Variants in PTPDC1 observed in about 807,000 individuals in gnomAD.
PTPDC1 encodes the protein protein tyrosine phosphatase domain-containing protein 1.
In PTPDC1, 53 loss-of-function variants were observed where a neutral mutation model predicts 75.3. The observed-to-expected ratio is 0.70, with a 90% confidence interval of 0.56 to 0.88. The LOEUF is 0.88. PTPDC1 is among the 40% of genes least tolerant of loss of function. The pLI is 0.00. For synonymous variants in PTPDC1, 349 were observed against 366.2 expected (o/e 0.95, Z 0.54); for missense variants, 925 against 998.6 (o/e 0.93, Z 0.99).
chr9:94,083,985 A>G (rs1826975456), upstream of PTPDC1, among the ~76,000 whole-genome samples: 1 of 152,232 alleles, frequency 6.6e-6, no homozygotes, highest in Admixed American at 6.5e-5. Flanking sequence ...TTTGGTTATG[A>G]AAAATTGGAT....
At chr9:94,055,729 G>C (rs561002352) in intron 1 of PTPDC1, among the ~76,000 whole-genome samples, 1 of 152,236 alleles carries the variant, frequency 6.6e-6, no homozygotes, top group South Asian at 2.1e-4. Context: ...TTGTGCACAT[G>C]AACCCTAGAA....
chr9:94,079,567 A>G (rs2117944489), upstream of PTPDC1, among the ~76,000 whole-genome samples: 1 of 152,360 alleles, frequency 6.6e-6, no homozygotes, highest in Non-Finnish European at 1.5e-5. Context: ...TAGTGTGACT[A>G]CAGTTCAGCT....
intron 1 of PTPDC1, 143 bp from the exon 2 acceptor site, chr9:94,085,108 C>T (rs1256882136): frequency 5.6e-6 from 4 of 710,188 alleles, no homozygotes; most frequent in African/African-American, 5.4e-5. Flanking sequence ...GACAGGGAAA[C>T]AGTTTTGTTT....
At chr9:94,050,228 T>G (rs1280871567) in intron 1 of PTPDC1, among the ~76,000 whole-genome samples, 3 of 152,246 alleles carry the variant, frequency 2.0e-5, no homozygotes, top group Admixed American at 6.5e-5. Context: ...AAAGTCATTC[T>G]CCGTCCAGCT....
chr9:94,072,196 CG>C (rs1328764252), intron 2 of PTPDC1, among the ~76,000 whole-genome samples: 1 of 152,022 alleles, frequency 6.6e-6, no homozygotes, highest in East Asian at 1.9e-4. Context: ...TTAGCAGAGA[CG>C]GTTTCGCCAT....
intron 7 of PTPDC1, 146 bp downstream of exon 7, chr9:94,101,897 G>GA: frequency 1.9e-6 from 1 of 531,926 alleles, no homozygotes; most frequent in South Asian, 3.3e-5. Context: ...GAGAAGAGAA[G>GA]AAACTGATAC....
chr9:94,093,511 C>G (rs1275761726), intron 4 of PTPDC1, among the ~76,000 whole-genome samples: 2 of 148,140 alleles, frequency 1.4e-5, no homozygotes, highest in East Asian at 3.9e-4. Context: ...TCTGGCTGCC[C>G]TTAACATTTT....
intron 4 of PTPDC1, among the ~76,000 whole-genome samples, chr9:94,095,003 G>A (rs1253943851): frequency 6.6e-6 from 1 of 152,210 alleles, no homozygotes; most frequent in Non-Finnish European, 1.5e-5. Context: ...GATGAACCCG[G>A]TACCTCAGAT....
chr9:94,082,159 G>A (rs1307803025), upstream of PTPDC1, among the ~76,000 whole-genome samples: 2 of 152,260 alleles, frequency 1.3e-5, no homozygotes, highest in Non-Finnish European at 2.9e-5. Flanking sequence ...CAGTGGAATA[G>A]TCAGTTCCCT....
Position 94,098,592 on chromosome 9 carries a change from CTTAA to C in PTPDC1, c.2013+16_2013+19del. On this transcript the variant is annotated intron_variant, in intron 6 of 8. Transcript: ENST00000620992. ...AGAAATGTGGCAGGTATTATTAGTA[CTTAA>C]TTTAATTATAGATATGTGGGAAATA... The C allele has an allele frequency of 6.3e-7, 1 of 1,587,904 alleles. No homozygotes were observed. Among genetic ancestry groups the C allele is most frequent in the Non-Finnish European group, 8.6e-7 (1 of 1,159,732 alleles).
In PTPDC1 at chr9:94,095,461, C is replaced by T. The variant is rs1369512066; in HGVS notation, c.754+7C>T. 1 of 1,602,770 alleles carries T rather than the reference C, an allele frequency of 6.2e-7. No homozygotes were observed. The highest frequency in any genetic ancestry group is 8.5e-7 in the Non-Finnish European group (1 of 1,175,684). ...GCAGGGCTTGGTCGAACAGGTAGGT[C>T]CTAAGAGGTGGTTTATTGCCTGTAG... On this transcript the variant is annotated splice_region_variant and intron_variant, in intron 5 of 8. Coordinates refer to ENST00000620992, the MANE Select transcript of PTPDC1 (RefSeq NM_001253829.2).
chr9:94,050,726 A>G (rs1825762605), intron 1 of PTPDC1, among the ~76,000 whole-genome samples: 1 of 151,774 alleles, frequency 6.6e-6, no homozygotes, highest in Non-Finnish European at 1.5e-5. Context: ...GAGAACCACT[A>G]CTCTCTTCAA....
At chr9:94,077,535 A>G (rs1410888000) in intron 2 of PTPDC1, among the ~76,000 whole-genome samples, 2 of 152,174 alleles carry the variant, frequency 1.3e-5, no homozygotes, top group African/African-American at 4.8e-5. Context: ...ACATTTACCA[A>G]TTTATTATAA....
At position 94,108,943 on chromosome 9, in the gene PTPDC1, G is replaced by A. The variant is rs574016622; in HGVS notation, c.*999G>A. On this transcript the variant is annotated 3_prime_UTR_variant, in exon 9 of 9. Transcript: ENST00000620992. ...CTGGGCCACTGTTTGTACTGATGGTGTATTAGCATGAGCAGCGTGGCCCTG... is the reference window on the plus strand; with the variant it reads ...CTGGGCCACTGTTTGTACTGATGGTATATTAGCATGAGCAGCGTGGCCCTG... 1 of 152,322 alleles carries A rather than the reference G, an allele frequency of 6.6e-6. No individual in the cohort carries two copies. Among genetic ancestry groups the A allele is most frequent in the African/African-American group, 2.4e-5 (1 of 41,450 alleles). The allele number at this position is 152,322 out of a possible 1,614,324, so 9.4% of individuals were successfully genotyped here. A position where few individuals can be genotyped will look rare whatever the true frequency, so the allele number is the denominator to read the frequency against.
chr9:94,091,429 A>C (rs1827314241), intron 4 of PTPDC1, among the ~76,000 whole-genome samples: 1 of 152,000 alleles, frequency 6.6e-6, no homozygotes, highest in African/African-American at 2.4e-5. Flanking sequence ...CCCAGGGATG[A>C]AGCCCAGTTG....
intron 1 of PTPDC1, among the ~76,000 whole-genome samples, chr9:94,044,719 C>G (rs949369166): frequency 9.0e-6 from 1 of 110,728 alleles, no homozygotes; most frequent in Admixed American, 1.1e-4. Context: ...AATCTGCATA[C>G]CTTTCTCTTT....
intron 2 of PTPDC1, among the ~76,000 whole-genome samples, chr9:94,070,521 T>G (rs1367946904): frequency 6.6e-6 from 1 of 152,206 alleles, no homozygotes; most frequent in African/African-American, 2.4e-5. Flanking sequence ...ATATTTACCC[T>G]TTATCCAGTT....
chr9:94,075,681 A>G (rs1276016828), intron 2 of PTPDC1, among the ~76,000 whole-genome samples: 1 of 152,140 alleles, frequency 6.6e-6, no homozygotes, highest in Non-Finnish European at 1.5e-5. Context: ...TCCTATGTTT[A>G]TCTGTTCTAT....
chr9:94,097,910 T>C lies in PTPDC1; in HGVS notation c.1344T>C (p.Ser448=). The change falls in exon 6 of 9, where the codon AGT becomes AGC. Residue 448 remains serine (S), a synonymous_variant. Transcript: ENST00000620992. ...LTHLKRRLSY[S]DSDLKRAENL... is the part of the protein sequence containing the mutation. Reference sequence around the variant, plus strand: ...ATCTGAAAAGGCGGCTCAGCTACAGTGACTCAGATTTAAAGAGGGCCGAGA... The same window carrying C: ...ATCTGAAAAGGCGGCTCAGCTACAGCGACTCAGATTTAAAGAGGGCCGAGA... 6.2e-7 allele frequency: 1 copy of C among 1,614,154 alleles called. No homozygotes were observed. The highest frequency in any genetic ancestry group is 8.5e-7 in the Non-Finnish European group (1 of 1,180,024).
Sources: gnomAD v4.1 joint callset for allele counts (sites outside exome capture counted in the v4.1 genomes callset) on GRCh38, gnomAD v4.1.1 for gene constraint, MANE v1.5 for transcripts, NCBI Gene and HGNC (gene_info 2026-07-23, HGNC 2026-07-21) for gene names.